The following RANBP17 variants were observed in gnomAD, a reference collection of about 807,000 sequenced individuals.
RANBP17 encodes the protein ran-binding protein 17.
Under a neutral mutation model 141.2 loss-of-function variants are expected in RANBP17, and 158 were observed. The ratio of observed to expected loss-of-function variants is 1.12; its 90% CI spans 0.98 to 1.28. The LOEUF (loss-of-function observed/expected upper bound fraction) is 1.28. RANBP17 is among the 50% of genes most tolerant of loss of function. RANBP17 has a pLI of 0.00. For synonymous variants in RANBP17, 430 were observed against 450.0 expected, an observed-to-expected ratio of 0.96 and a Z score of 0.56; for missense variants, 1,438 against 1,290.7, an observed-to-expected ratio of 1.11 and a Z score of -1.75.
At chr5:171,041,503 A>T (rs924581709) in intron 14 of RANBP17, among the ~76,000 whole-genome samples, 1 of 152,146 alleles carries the variant, frequency 6.6e-6, no homozygotes, top group Non-Finnish European at 1.5e-5. Context: ...GTATGTTCTA[A>T]GAAATGTCCT....
At chr5:171,089,415 T>G (rs539981693) in intron 14 of RANBP17, among the ~76,000 whole-genome samples, 4 of 151,856 alleles carry the variant, frequency 2.6e-5, no homozygotes, top group African/African-American at 9.7e-5. Flanking sequence ...TCTTTTTGTT[T>G]GTCTGTGCCC....
intron 14 of RANBP17, among the ~76,000 whole-genome samples, chr5:171,150,253 A>C (rs1758376261): frequency 6.6e-6 from 1 of 152,140 alleles, no homozygotes; most frequent in Non-Finnish European, 1.5e-5. Context: ...TTTTTAATTT[A>C]GGTGCAATGT....
chr5:170,924,367 G>C lies in RANBP17; in HGVS notation c.1285G>C (p.Asp429His), dbSNP rs1188752757. The C allele has an allele frequency of 3.2e-6, 5 of 1,585,044 alleles. No individual in the cohort carries two copies. The South Asian group carries it at 3.4e-5, about 11-fold the overall frequency. ...ATTCTGTGTTTGCAGAGATCACTTA[G>C]ATGATCCACTGGATGATACTGCCAC... ...SVAIVVRDHLDDPLDDTATVF... is the reference protein window; with the variant it reads ...SVAIVVRDHLHDPLDDTATVF... The change falls in exon 12 of 28, where the codon GAT becomes CAT. Residue 429 changes from aspartate (D) to histidine (H), a missense_variant. Transcript: ENST00000523189.
intron 14 of RANBP17, among the ~76,000 whole-genome samples, chr5:171,099,488 TAAG>T (rs1292200538): frequency 1.3e-5 from 2 of 152,194 alleles, no homozygotes; most frequent in African/African-American, 2.4e-5. Context: ...CTTTTTGGCT[TAAG>T]GAGATTTTGG....
chr5:171,056,276 C>A (rs944823171), intron 14 of RANBP17, among the ~76,000 whole-genome samples: 1 of 152,126 alleles, frequency 6.6e-6, no homozygotes, highest in African/African-American at 2.4e-5. Context: ...TCCAAAGTTA[C>A]CAGAAACCTG....
chr5:170,920,167 TAAATA>T (rs1431094617), intron 11 of RANBP17, among the ~76,000 whole-genome samples: 1 of 152,126 alleles, frequency 6.6e-6, no homozygotes, highest in Non-Finnish European at 1.5e-5. Context: ...TTCTCCTGGG[TAAATA>T]GCTAGGTGTG....
chr5:171,065,025 T>C (rs1054682090), intron 14 of RANBP17, among the ~76,000 whole-genome samples: 1 of 152,230 alleles, frequency 6.6e-6, no homozygotes, highest in Non-Finnish European at 1.5e-5. Context: ...ATTTTGTTTT[T>C]AATTGCATCT....
intron 13 of RANBP17, among the ~76,000 whole-genome samples, chr5:170,966,042 C>T (rs1249250928): frequency 6.6e-6 from 1 of 151,938 alleles, no homozygotes; most frequent in Non-Finnish European, 1.5e-5. Flanking sequence ...GAAATTGTGG[C>T]AATAATCAAT....
intron 8 of RANBP17, among the ~76,000 whole-genome samples, chr5:170,914,818 C>T (rs187061548): frequency 2.6e-5 from 4 of 152,222 alleles, no homozygotes; most frequent in Admixed American, 1.3e-4. Flanking sequence ...TCCATCTTTG[C>T]GGAGCCTAAA....
chr5:170,924,649 TC>T, intron 12 of RANBP17, 99 bp downstream of exon 12: 1 of 756,308 alleles, frequency 1.3e-6, no homozygotes, highest in Non-Finnish European at 2.0e-6. Flanking sequence ...TTATGTATTT[TC>T]CCCAATTCCT....
intron 18 of RANBP17, among the ~76,000 whole-genome samples, chr5:171,191,483 C>T (rs1051853590): frequency 4.6e-5 from 7 of 151,998 alleles, no homozygotes; most frequent in East Asian, 1.9e-4. Flanking sequence ...GGTAGGAGAT[C>T]GAGACCATCC....
intron 20 of RANBP17, chr5:171,206,742 C>T (rs926997330): frequency 5.6e-6 from 1 of 179,040 alleles, no homozygotes; most frequent in South Asian, 2.0e-4. Flanking sequence ...GAGAACTCTA[C>T]ATATTATAAA....
chr5:170,946,481 C>T (rs1431574740), intron 12 of RANBP17, among the ~76,000 whole-genome samples: 2 of 152,108 alleles, frequency 1.3e-5, no homozygotes, highest in Admixed American at 1.3e-4. Flanking sequence ...ATAGCGACCT[C>T]TGTAAAATTC....
chr5:171,079,822 A>G (rs1785156238), intron 14 of RANBP17, among the ~76,000 whole-genome samples: 1 of 152,244 alleles, frequency 6.6e-6, no homozygotes, highest in Admixed American at 6.5e-5. Flanking sequence ...AAGTATTTGT[A>G]TGACTTGCTT....
chr5:170,888,657 T>G (rs1448178825), intron 3 of RANBP17, among the ~76,000 whole-genome samples: 1 of 152,168 alleles, frequency 6.6e-6, no homozygotes, highest in African/African-American at 2.4e-5. Flanking sequence ...GCAAAGACAC[T>G]TTTAGTTCTT....
chr5:171,242,630 C>G, intron 23 of RANBP17, 52 bp from the exon 24 acceptor site: 5 of 1,582,384 alleles, frequency 3.2e-6, no homozygotes, highest in Non-Finnish European at 4.3e-6. Flanking sequence ...TGGACTGTAA[C>G]ATGTATTTTT....
intron 1 of RANBP17, chr5:170,863,566 T>C (rs1023119002): frequency 3.9e-5 from 6 of 152,230 alleles, no homozygotes; most frequent in Non-Finnish European, 8.8e-5. Context: ...ATTACCACTT[T>C]AGTAAATATG....
In RANBP17 at chr5:171,205,527, A is replaced by G; in HGVS notation, c.2146A>G (p.Met716Val). 1 of 1,613,548 alleles carries G rather than the reference A, an allele frequency of 6.2e-7. No individual in the cohort carries two copies. The highest frequency in any genetic ancestry group is 1.7e-5 in the Admixed American group (1 of 59,970). ...TGTGTCTCTTTCCCACTGACAGCGT[A>G]TGTTGATCGGGCTGGCAAGAGATCT... ...NNFKQEDVKR[M>V]LIGLARDLRG... is the part of the protein sequence containing the mutation. Residue 716 changes from methionine to valine, a missense_variant, in exon 20 of 28, where the codon ATG (methionine) becomes GTG (valine). Transcript: ENST00000523189.
At chr5:170,885,798 A>T (rs1769090954) in intron 3 of RANBP17, among the ~76,000 whole-genome samples, 1 of 152,164 alleles carries the variant, frequency 6.6e-6, no homozygotes, top group Admixed American at 6.5e-5. Context: ...TTCATATGAA[A>T]ACTACCTATT....
Sources: allele counts gnomAD v4.1 joint callset (sites outside exome capture counted in the v4.1 genomes callset), GRCh38; gene constraint gnomAD v4.1.1; transcripts MANE v1.5; gene names NCBI Gene and HGNC (gene_info 2026-07-23, HGNC 2026-07-21).